The following MEI4 variants were observed in gnomAD, a reference collection of about 807,000 sequenced individuals.
MEI4 encodes meiosis-specific protein MEI4.
In MEI4, 27 loss-of-function variants were observed where a neutral mutation model predicts 31.4. The observed-to-expected ratio is 0.86, with a 90% CI of 0.63 to 1.19. The LOEUF is 1.19. Ranked by LOEUF, MEI4 falls within the 50% of genes most tolerant of loss-of-function variation. The pLI, the probability that MEI4 is intolerant of heterozygous loss-of-function variation, is 0.00. For missense variants in MEI4, 329 were observed against 398.9 expected (o/e 0.82, Z 1.49); for synonymous variants, 122 against 145.4 (o/e 0.84, Z 1.16).
chr6:77,838,182 T>G (rs920363678), intron 4 of MEI4, among the ~76,000 whole-genome samples: 2 of 152,206 alleles, frequency 1.3e-5, no homozygotes, highest in African/African-American at 4.8e-5. Flanking sequence ...TTTCAGATAT[T>G]ATGTTTGACA....
chr6:77,741,389 G>A (rs1465386543), intron 2 of MEI4, among the ~76,000 whole-genome samples: 1 of 152,040 alleles, frequency 6.6e-6, no homozygotes, highest in Non-Finnish European at 1.5e-5. Context: ...CTCTCTGATT[G>A]GTCTAGAGTG....
At chr6:77,832,200 C>T (rs946843893) in intron 4 of MEI4, among the ~76,000 whole-genome samples, 11 of 151,924 alleles carry the variant, frequency 7.2e-5, no homozygotes, top group Admixed American at 7.2e-4. Context: ...TGCTTTTATA[C>T]TCAGTGTTTT....
chr6:77,919,268 T>C (rs1030929473), intron 4 of MEI4, among the ~76,000 whole-genome samples: 4 of 152,136 alleles, frequency 2.6e-5, no homozygotes, highest in African/African-American at 4.8e-5. Flanking sequence ...CCTCAGCATA[T>C]GTAAAAGAAC....
rs1464017883 is a variant in MEI4 at position 77,799,506 on chromosome 6, C to G, written c.769-29425C>G. Among the ~76,000 whole-genome samples the G allele has an allele frequency of 4.6e-5, 7 of 152,242 alleles. No individual in the cohort carries two copies. The East Asian group carries it at 1.4e-3, about 29-fold the overall frequency. ...GAAGCTCTTTAGTTTAATTAGATCC[C>G]ATTTGTCAAATTTGGCTTTTGTTGC... On this transcript the variant is annotated intron_variant, in intron 3 of 4. Coordinates refer to ENST00000684080, the MANE Select transcript of MEI4 (RefSeq NM_001322247.2).
At chr6:77,805,128 A>G (rs1408530563) in intron 3 of MEI4, among the ~76,000 whole-genome samples, 1 of 152,166 alleles carries the variant, frequency 6.6e-6, no homozygotes, top group Non-Finnish European at 1.5e-5. Flanking sequence ...TATTGTAGAG[A>G]AAAAATACCT....
chr6:77,803,524 T>C lies in MEI4; in HGVS notation c.769-25407T>C, dbSNP rs1191663113. 2.0e-5 allele frequency among the ~76,000 whole-genome samples: 3 copies of C among 152,350 alleles called. No individual in the cohort carries two copies. The East Asian group carries it at 5.8e-4, about 29-fold the overall frequency. The stretch of plus-strand genomic sequence containing the variant: ...ATTCTGTTGCTGGTGAGGAACTTCG[T>C]TCCTTTGGTGGAGAAGAGGCACTCT... On this transcript the variant is annotated intron_variant, in intron 3 of 4. Transcript: ENST00000684080.
At chr6:77,737,646 A>G (rs1767287580) in intron 2 of MEI4, among the ~76,000 whole-genome samples, 1 of 152,084 alleles carries the variant, frequency 6.6e-6, no homozygotes, top group South Asian at 2.1e-4. Flanking sequence ...AACATGGAAT[A>G]AATAAGCCTT....
chr6:77,751,461 A>G (rs9361275), intron 2 of MEI4, among the ~76,000 whole-genome samples: 22,794 of 152,118 alleles, frequency 0.15, 2,057 homozygotes, highest in East Asian at 0.4. Context: ...CCACAGAAAT[A>G]CAAACTACCA....
chr6:77,739,052 T>C (rs1278175464), intron 2 of MEI4, among the ~76,000 whole-genome samples: 1 of 152,180 alleles, frequency 6.6e-6, no homozygotes, highest in Non-Finnish European at 1.5e-5. Flanking sequence ...ACTATGATGA[T>C]AATTTCTTTT....
rs531465166 is a variant in MEI4 at position 77,785,264 on chromosome 6, A to G, written c.768+23599A>G. 1.4e-3 allele frequency among the ~76,000 whole-genome samples: 213 copies of G among 152,250 alleles called. 1 individual carries two copies. The highest frequency in any genetic ancestry group is 4.5e-3 in the African/African-American group (187 of 41,556). On this transcript the variant is annotated intron_variant, in intron 3 of 4. Transcript: ENST00000684080. ...GCAAATACTATTATTTTACTCTTAAATGCAGCTCTCTGGAGTAAGAGATGA... is the reference window on the plus strand; with the variant it reads ...GCAAATACTATTATTTTACTCTTAAGTGCAGCTCTCTGGAGTAAGAGATGA...
intron 4 of MEI4, among the ~76,000 whole-genome samples, chr6:77,850,247 G>T (rs1451602470): frequency 1.3e-5 from 2 of 152,030 alleles, no homozygotes; most frequent in South Asian, 4.1e-4. Context: ...TCCCCAACAA[G>T]CTACCAATGA....
chr6:77,740,899 C>T (rs1340294459), intron 2 of MEI4, among the ~76,000 whole-genome samples: 1 of 152,044 alleles, frequency 6.6e-6, no homozygotes, highest in Non-Finnish European at 1.5e-5. Flanking sequence ...ACAAAATAAA[C>T]TCTGTGTCTA....
At chr6:77,690,546 C>G (rs763144437) in intron 1 of MEI4, 112 bp from the exon 2 acceptor site, 3 of 470,220 alleles carry the variant, frequency 6.4e-6, no homozygotes, top group Admixed American at 8.8e-5. Context: ...GGTGCCAAGT[C>G]TTATTATAAA....
intron 4 of MEI4, among the ~76,000 whole-genome samples, chr6:77,901,312 A>G (rs1310524079): frequency 6.6e-6 from 1 of 152,034 alleles, no homozygotes; most frequent in Non-Finnish European, 1.5e-5. Flanking sequence ...GTAATGACTC[A>G]CCAATCCACA....
intron 2 of MEI4, among the ~76,000 whole-genome samples, chr6:77,714,484 T>A (rs1766536203): frequency 6.6e-6 from 1 of 152,222 alleles, no homozygotes; most frequent in Non-Finnish European, 1.5e-5. Context: ...ACAAATTTAG[T>A]TTCAAAGATC....
intron 4 of MEI4, among the ~76,000 whole-genome samples, chr6:77,900,021 A>T (rs1766157580): frequency 6.6e-6 from 1 of 151,992 alleles, no homozygotes; most frequent in Admixed American, 6.6e-5. Flanking sequence ...AAACCAAAAT[A>T]GACACATGGA....
chr6:77,867,922 A>G (rs1367747351), intron 4 of MEI4, among the ~76,000 whole-genome samples: 1 of 152,286 alleles, frequency 6.6e-6, no homozygotes, highest in African/African-American at 2.4e-5. Context: ...TTTTAGGGAC[A>G]TGGATAAAAC....
chr6:77,721,958 A>G lies in MEI4; in HGVS notation c.232+31055A>G, dbSNP rs1381572300. Among the ~76,000 whole-genome samples, 3 of 131,586 alleles carry G rather than the reference A, an allele frequency of 2.3e-5. 1 individual carries two copies. The highest frequency in any genetic ancestry group is 5.0e-5 in the Non-Finnish European group (3 of 60,566). 86.3% of individuals were successfully genotyped at this position (131,586 alleles called of 152,430 possible). A position where few individuals can be genotyped will look rare whatever the true frequency, so the allele number is the denominator to read the frequency against. ...CAGTCTGAAAACTTTAACTGGTTGA[A>G]GAGCTCGACCTACAAAAGTCTGACA... On this transcript the variant is annotated intron_variant, in intron 2 of 4. Coordinates refer to ENST00000684080, the MANE Select transcript of MEI4 (RefSeq NM_001322247.2).
intron 3 of MEI4, among the ~76,000 whole-genome samples, chr6:77,801,433 C>T (rs9359293): frequency 0.14 from 20,943 of 151,994 alleles, 1,530 homozygotes; most frequent in Middle Eastern, 0.21. Flanking sequence ...CTTTTCAAAA[C>T]CCCAGCTCCT....
Sources: gnomAD v4.1 joint callset for allele counts (sites outside exome capture counted in the v4.1 genomes callset) on GRCh38, gnomAD v4.1.1 for gene constraint, MANE v1.5 for transcripts, NCBI Gene and HGNC (gene_info 2026-07-23, HGNC 2026-07-21) for gene names.